Variants in SMARCA4 observed in about 807,000 individuals in gnomAD.
SMARCA4 encodes the protein SWI/SNF related BAF chromatin remodeling complex subunit ATPase 4, also known as SWI/SNF-related matrix-associated actin-dependent regulator of chromatin subfamily A member 4.
Under a neutral mutation model 193.9 loss-of-function variants are expected in SMARCA4, and 31 were observed. The ratio of observed to expected loss-of-function variants is 0.16; its 90% confidence interval spans 0.12 to 0.22. The LOEUF (loss-of-function observed/expected upper bound fraction) is 0.22. Among genes scored for constraint, SMARCA4 ranks in the 10% least tolerant of loss-of-function variants. The pLI, the probability that SMARCA4 is intolerant of heterozygous loss-of-function variation, is 1.00. For missense variants in SMARCA4, 1,148 were observed against 2,296.0 expected, an observed-to-expected ratio of 0.50 and a Z score of 10.22; for synonymous variants, 942 against 933.1, an observed-to-expected ratio of 1.01 and a Z score of -0.17.
chr19:11,060,233 G>A (rs1328553989), intron 34 of SMARCA4, 46 bp downstream of exon 34: 1 of 1,548,070 alleles, frequency 6.5e-7, no homozygotes, highest in Non-Finnish European at 8.7e-7. Flanking sequence ...GTGGCAGGAG[G>A]CATCCCGGGG....
intron 24 of SMARCA4, among the ~76,000 whole-genome samples, chr19:11,028,725 G>A (rs1420586607): frequency 6.6e-6 from 1 of 152,250 alleles, no homozygotes; most frequent in East Asian, 1.9e-4. Context: ...GAGGCTGTGA[G>A]ATGCCGACAG....
rs529100559 is a variant in SMARCA4 at position 11,031,342 on chromosome 19, C to T, written c.3546+449C>T. On this transcript the variant is annotated intron_variant, in intron 25 of 34. Transcript: ENST00000344626. The surrounding 1 kb of genome is among the most constrained non-coding windows in gnomAD (Gnocchi z 4.3). Reference sequence around the variant, plus strand: ...TCCATAACCATGTACCCCTCATGGGCCTCGGCATCGGTGGATACCAGGTCA... The same window carrying T: ...TCCATAACCATGTACCCCTCATGGGTCTCGGCATCGGTGGATACCAGGTCA... The T allele has an allele frequency of 2.4e-5, 5 of 208,018 alleles. No homozygotes were observed. The East Asian group carries it at 4.6e-4, about 19-fold the overall frequency. The allele number at this position is 208,018 out of a possible 1,614,324, so 12.9% of individuals were successfully genotyped here.
In SMARCA4 at chr19:10,986,526, C is replaced by CCCTGGA. The variant is rs2086051201; in HGVS notation, c.698_699insACCTGG (p.Gly243_Pro244dup). On this transcript the variant is annotated inframe_insertion, in exon 4 of 35. Coordinates refer to ENST00000344626, the MANE Select transcript of SMARCA4 (RefSeq NM_003072.5). This position sits in a 1 kb window ranked among gnomAD's most constrained non-coding sequence, Gnocchi z 6.7. The stretch of plus-strand genomic sequence containing the variant: ...CCTCGGTGTCCGCAACAGGACCCGG[C>CCCTGGA]CCTGGCCCTGGCCCTGGCCCCGGCC... 2.6e-6 allele frequency: 4 copies of CCCTGGA among 1,541,192 alleles called. No individual in the cohort carries two copies. Among genetic ancestry groups the CCCTGGA allele is most frequent in the Non-Finnish European group, 3.5e-6 (4 of 1,146,402 alleles).
intron 1 of SMARCA4, chr19:10,977,746 C>T (rs1236318030): frequency 6.6e-6 from 1 of 152,316 alleles, no homozygotes; most frequent in Non-Finnish European, 1.5e-5. Context: ...TGCTAAGCAG[C>T]TGCTCAGTAA....
chr19:10,992,271 C>T (rs1338611243), intron 8 of SMARCA4, among the ~76,000 whole-genome samples: 1 of 151,528 alleles, frequency 6.6e-6, no homozygotes, highest in Non-Finnish European at 1.5e-5. Flanking sequence ...GCCACCATGC[C>T]TGGCTAACTT....
At position 10,987,222 on chromosome 19, in the gene SMARCA4, G is replaced by C. The variant is rs1171724067; in HGVS notation, c.859+219G>C. Among the ~76,000 whole-genome samples the C allele has an allele frequency of 6.6e-6, 1 of 152,198 alleles. No homozygotes were observed. Among genetic ancestry groups the C allele is most frequent in the East Asian group, 1.9e-4 (1 of 5,192 alleles). Reference sequence around the variant, plus strand: ...TCTGACAGCTTGTGGCCTTCACCCAGTCCCTGAGCCCTGTATATGTAATTG... The same window carrying C: ...TCTGACAGCTTGTGGCCTTCACCCACTCCCTGAGCCCTGTATATGTAATTG... On this transcript the variant is annotated intron_variant, in intron 5 of 34. Transcript: ENST00000344626. This position sits in a 1 kb window ranked among gnomAD's most constrained non-coding sequence, Gnocchi z 5.3.
At chr19:10,963,631 T>C (rs1019454518) in intron 1 of SMARCA4, among the ~76,000 whole-genome samples, 2 of 152,184 alleles carry the variant, frequency 1.3e-5, no homozygotes, top group African/African-American at 2.4e-5. Context: ...GCGAGGCGCT[T>C]AGCAGTAGGG....
rs2089660629 is a variant in SMARCA4 at position 11,019,407 on chromosome 19, G to A, written c.2506-184G>A. The A allele has an allele frequency of 6.4e-6, 4 of 628,298 alleles. No homozygotes were observed. Among genetic ancestry groups the A allele is most frequent in the Admixed American group, 4.8e-5 (2 of 41,408 alleles). 38.9% of individuals were successfully genotyped at this position (628,298 alleles called of 1,614,324 possible). On this transcript the variant is annotated intron_variant, in intron 17 of 34. Transcript: ENST00000344626. The surrounding 1 kb of genome is among the most constrained non-coding windows in gnomAD (Gnocchi z 6.1). Reference sequence around the variant, plus strand: ...CACTGCTTCCTCTTCCCCCTGCAGCGCGTGTTCTGCGTGGTGAGGTCTGGG... The same window carrying A: ...CACTGCTTCCTCTTCCCCCTGCAGCACGTGTTCTGCGTGGTGAGGTCTGGG...
chr19:11,023,395 C>A, intron 19 of SMARCA4, 123 bp from the exon 20 acceptor site: 1 of 713,002 alleles, frequency 1.4e-6, no homozygotes, highest in Non-Finnish European at 2.6e-6. Flanking sequence ...AAGCCACGTG[C>A]CAAGGGCAAG....
At position 11,033,007 on chromosome 19, in the gene SMARCA4, TC is replaced by T; in HGVS notation, c.3547-279del. The T allele has an allele frequency of 1.9e-6, 1 of 531,812 alleles. No individual in the cohort carries two copies. Among genetic ancestry groups the T allele is most frequent in the South Asian group, 2.0e-5 (1 of 49,874 alleles). 32.9% of individuals were successfully genotyped at this position (531,812 alleles called of 1,614,324 possible). A position where few individuals can be genotyped will look rare whatever the true frequency, so the allele number is the denominator to read the frequency against. On this transcript the variant is annotated intron_variant, in intron 25 of 34. Coordinates refer to ENST00000344626, the MANE Select transcript of SMARCA4 (RefSeq NM_003072.5). This position sits in a 1 kb window ranked among gnomAD's most constrained non-coding sequence, Gnocchi z 9.8. ...CCACGGGAGCTGCTTGAGAATATAATCCCCTGGGGGGTTGGTGCTTTCTTCC... is the reference window on the plus strand; with the variant it reads ...CCACGGGAGCTGCTTGAGAATATAATCCCTGGGGGGTTGGTGCTTTCTTCC...
intron 15 of SMARCA4, 94 bp downstream of exon 15, chr19:11,010,625 T>G: frequency 8.1e-7 from 1 of 1,241,910 alleles, no homozygotes; most frequent in Non-Finnish European, 1.2e-6. Context: ...CAGACCTGAG[T>G]TCACCTTTTG....
intron 29 of SMARCA4, among the ~76,000 whole-genome samples, chr19:11,038,260 G>T (rs2075377732): frequency 6.6e-6 from 1 of 152,162 alleles, no homozygotes; most frequent in Non-Finnish European, 1.5e-5. Flanking sequence ...CTCTGCCTCT[G>T]TCTTCATGGG....
intron 14 of SMARCA4, 50 bp downstream of exon 14, chr19:11,008,073 C>T (rs1027290624): frequency 5.0e-6 from 8 of 1,591,638 alleles, no homozygotes; most frequent in African/African-American, 1.3e-5. Context: ...TGTGAGGTGG[C>T]GCTGGTGGGA....
intron 1 of SMARCA4, chr19:10,983,372 C>T (rs553087006): frequency 1.3e-5 from 2 of 151,532 alleles, no homozygotes; most frequent in East Asian, 3.9e-4. Flanking sequence ...AATGGAAAAC[C>T]AGCAGTATTT....
At chr19:11,060,212 A>G (rs2147128474) in intron 34 of SMARCA4, 25 bp downstream of exon 34, 1 of 1,550,178 alleles carries the variant, frequency 6.5e-7, no homozygotes, top group Non-Finnish European at 8.7e-7. Flanking sequence ...CCGAGCAGGC[A>G]GAGCTGGCAT....
chr19:11,010,556 C>A (rs2146240687), intron 15 of SMARCA4, 25 bp downstream of exon 15: 7 of 1,610,758 alleles, frequency 4.3e-6, no homozygotes, highest in Non-Finnish European at 5.9e-6. Context: ...GGGGAGGCCA[C>A]CGCCACGTAG....
At chr19:10,967,869 A>G (rs148347474) in intron 1 of SMARCA4, among the ~76,000 whole-genome samples, 6 of 146,046 alleles carry the variant, frequency 4.1e-5, no homozygotes, top group Non-Finnish European at 9.0e-5. Flanking sequence ...TTTTTTTTTA[A>G]TTTTTATTTA....
intron 30 of SMARCA4, among the ~76,000 whole-genome samples, chr19:11,051,969 C>T (rs983687357): frequency 1.3e-5 from 2 of 152,100 alleles, no homozygotes; most frequent in Non-Finnish European, 2.9e-5. Flanking sequence ...GTGAGACTTG[C>T]CTATAATCCC....
chr19:10,973,726 C>T (rs1267972101), intron 1 of SMARCA4, among the ~76,000 whole-genome samples: 5 of 152,028 alleles, frequency 3.3e-5, no homozygotes, highest in African/African-American at 9.7e-5. Flanking sequence ...CCTGCCACCA[C>T]GCCCGGCTAA....
Sources: allele counts gnomAD v4.1 joint callset (sites outside exome capture counted in the v4.1 genomes callset), GRCh38; gene constraint gnomAD v4.1.1; non-coding constraint Gnocchi (gnomAD v3.1); transcripts MANE v1.5; gene names NCBI Gene and HGNC (gene_info 2026-07-23, HGNC 2026-07-21).